Variants in PPM1H observed in about 807,000 individuals in gnomAD.
The protein encoded by PPM1H is protein phosphatase, Mg2+/Mn2+ dependent 1H.
A neutral mutation model predicts 54.9 loss-of-function variants in PPM1H; 27 were observed. That is an observed-to-expected ratio of 0.49 (90% CI 0.36 to 0.68). PPM1H has a LOEUF of 0.68. Among genes scored for constraint, PPM1H ranks in the 30% least tolerant of loss-of-function variants. The pLI is 0.00. For missense variants in PPM1H, 596 were observed against 667.8 expected (o/e 0.89, Z 1.19); for synonymous variants, 305 against 270.8 (o/e 1.13, Z -1.24).
chr12:62,764,509 C>A (rs1393885344), intron 4 of PPM1H, among the ~76,000 whole-genome samples: 1 of 152,214 alleles, frequency 6.6e-6, no homozygotes, highest in Non-Finnish European at 1.5e-5. Context: ...AAATTAAATC[C>A]ATGTGACCTT....
chr12:62,737,322 T>A (rs1286179197), intron 5 of PPM1H, among the ~76,000 whole-genome samples, 180 bp downstream of exon 5: 1 of 146,174 alleles, frequency 6.8e-6, no homozygotes, highest in Non-Finnish European at 1.5e-5. Context: ...GGAGGTGGAG[T>A]GTGTCGTCAC....
intron 1 of PPM1H, among the ~76,000 whole-genome samples, chr12:62,889,618 C>T (rs1312426704): frequency 6.6e-6 from 1 of 152,016 alleles, no homozygotes; most frequent in Admixed American, 6.6e-5. Context: ...CAGAAATAGA[C>T]CCACATAAAT....
intron 1 of PPM1H, among the ~76,000 whole-genome samples, chr12:62,915,200 T>G (rs984744778): frequency 1.3e-5 from 2 of 152,242 alleles, no homozygotes; most frequent in Non-Finnish European, 1.5e-5. Flanking sequence ...TTCTGGACTC[T>G]TACTTGGATG....
intron 2 of PPM1H, among the ~76,000 whole-genome samples, chr12:62,817,248 G>C (rs1386752414): frequency 6.7e-6 from 1 of 149,032 alleles, no homozygotes; most frequent in Non-Finnish European, 1.5e-5. Context: ...AGATCATAAG[G>C]TCAGGAGATC....
At chr12:62,717,922 T>C (rs2076244210) in intron 6 of PPM1H, among the ~76,000 whole-genome samples, 1 of 152,222 alleles carries the variant, frequency 6.6e-6, no homozygotes, top group Admixed American at 6.5e-5. Flanking sequence ...CAAAGATACT[T>C]TTCCTTATTA....
chr12:62,659,269 C>CGAAAAAAAAA (rs2075866985), intron 9 of PPM1H: 1 of 90,798 alleles, frequency 1.1e-5, no homozygotes, highest in African/African-American at 4.4e-5. Flanking sequence ...GTAAAAACTG[C>CGAAAAAAAAA]AAAAAAAAAA....
chr12:62,709,040 C>T (rs2076191823), intron 6 of PPM1H, among the ~76,000 whole-genome samples: 1 of 152,126 alleles, frequency 6.6e-6, no homozygotes, highest in Non-Finnish European at 1.5e-5. Flanking sequence ...GCCTGGCATT[C>T]AAAGTTCCCC....
intron 1 of PPM1H, among the ~76,000 whole-genome samples, chr12:62,907,002 C>T (rs1028698477): frequency 3.3e-5 from 5 of 152,186 alleles, no homozygotes; most frequent in East Asian, 3.9e-4. Flanking sequence ...CTGAGAAATA[C>T]TCTCAAGATT....
chr12:62,822,892 T>C (rs898415578), intron 2 of PPM1H, among the ~76,000 whole-genome samples: 2 of 151,506 alleles, frequency 1.3e-5, no homozygotes, highest in Non-Finnish European at 2.9e-5. Flanking sequence ...ATAACTAAGA[T>C]CAGAACAAAA....
At chr12:62,846,280 T>A (rs1451522977) in intron 1 of PPM1H, among the ~76,000 whole-genome samples, 1 of 151,996 alleles carries the variant, frequency 6.6e-6, no homozygotes, top group African/African-American at 2.4e-5. Context: ...AGGCGGATCA[T>A]CTGAGGTAAG....
intron 4 of PPM1H, among the ~76,000 whole-genome samples, chr12:62,740,370 A>G (rs1238566571): frequency 6.6e-6 from 1 of 152,158 alleles, no homozygotes; most frequent in African/African-American, 2.4e-5. Context: ...CCCTGGCACC[A>G]GGGATACAAC....
chr12:62,916,925 C>CA (rs1871642820), intron 1 of PPM1H, among the ~76,000 whole-genome samples: 1 of 143,882 alleles, frequency 7.0e-6, no homozygotes, highest in Non-Finnish European at 1.5e-5. Flanking sequence ...TTACCCTCTA[C>CA]TTAAAAAAAA....
At chr12:62,899,706 A>G (rs1005501767) in intron 1 of PPM1H, among the ~76,000 whole-genome samples, 1 of 152,214 alleles carries the variant, frequency 6.6e-6, no homozygotes, top group Non-Finnish European at 1.5e-5. Flanking sequence ...CTGTAAAGAC[A>G]ACAAAGCTCA....
chr12:62,844,028 A>AT lies in PPM1H; in HGVS notation c.246-11750dup, dbSNP rs762472241. 1.2e-4 allele frequency among the ~76,000 whole-genome samples: 19 copies of AT among 152,334 alleles called. No individual in the cohort carries two copies. In the South Asian group the frequency reaches 2.5e-3, roughly 20 times the overall value. ...TCTGAGTTTCATTTTAGGCAAACTG[A>AT]TTTCTCTACCCTAAGGAAGCTAGAA... On this transcript the variant is annotated intron_variant, in intron 1 of 9. Coordinates refer to ENST00000228705, the MANE Select transcript of PPM1H (RefSeq NM_020700.2). The surrounding 1 kb of genome is among the most constrained non-coding windows in gnomAD (Gnocchi z 5.2).
rs1253387976 is a variant in PPM1H at position 62,647,209 on chromosome 12, T to C, written c.*1280A>G. 1 of 152,242 alleles carries C rather than the reference T, an allele frequency of 6.6e-6. No individual in the cohort carries two copies. Among genetic ancestry groups the C allele is most frequent in the East Asian group, 1.9e-4 (1 of 5,184 alleles). The allele number at this position is 152,242 out of a possible 1,614,324, so 9.4% of individuals were successfully genotyped here. On this transcript the variant is annotated 3_prime_UTR_variant, in exon 10 of 10. Transcript: ENST00000228705. Reference sequence around the variant, plus strand: ...TGGCGAACACTCAGATGTGGAACCATAGAGGGACCTTGAGGAGCTGGGACA... The same window carrying C: ...TGGCGAACACTCAGATGTGGAACCACAGAGGGACCTTGAGGAGCTGGGACA...
intron 5 of PPM1H, among the ~76,000 whole-genome samples, chr12:62,733,702 G>A (rs932332569): frequency 3.3e-5 from 5 of 152,144 alleles, no homozygotes; most frequent in African/African-American, 1.2e-4. Context: ...TGATGTCTGA[G>A]GAGAAATGTT....
rs553162330 is a variant in PPM1H at position 62,734,560 on chromosome 12, G to A, written c.954+2942C>T. On this transcript the variant is annotated intron_variant, in intron 5 of 9. Transcript: ENST00000228705. ...TATTTCAACCATCCCAAAATATACC[G>A]CTGACATTTGGGAATCTGAAAATGT... 2.0e-5 allele frequency among the ~76,000 whole-genome samples: 3 copies of A among 152,226 alleles called. No homozygotes were observed. In the South Asian group the frequency reaches 6.2e-4, roughly 32 times the overall value.
chr12:62,817,885 C>T (rs559318398), intron 2 of PPM1H, among the ~76,000 whole-genome samples: 1 of 152,210 alleles, frequency 6.6e-6, no homozygotes, highest in South Asian at 2.1e-4. Flanking sequence ...TTTCCTCTCC[C>T]CTGCTGATGG....
chr12:62,741,439 C>T (rs987076817), intron 4 of PPM1H, among the ~76,000 whole-genome samples: 2 of 152,212 alleles, frequency 1.3e-5, no homozygotes, highest in African/African-American at 4.8e-5. Context: ...ACATGTCTTA[C>T]CGAAAGCCCT....
Sources: allele counts gnomAD v4.1 joint callset (sites outside exome capture counted in the v4.1 genomes callset), GRCh38; gene constraint gnomAD v4.1.1; non-coding constraint Gnocchi (gnomAD v3.1); transcripts MANE v1.5; gene names NCBI Gene and HGNC (gene_info 2026-07-23, HGNC 2026-07-21).